Variants in EDA observed in about 807,000 individuals in gnomAD.
The protein encoded by EDA is ectodysplasin A, also known as ectodysplasin-A.
In EDA, 2 loss-of-function variants were observed where a neutral mutation model predicts 23.6. The observed-to-expected ratio is 0.08, with a 90% CI of 0.03 to 0.27. The LOEUF (loss-of-function observed/expected upper bound fraction) is 0.27, where lower values mean the gene tolerates loss of function less well. Among genes scored for constraint, EDA ranks in the 10% least tolerant of loss-of-function variants. The pLI is 1.00. For synonymous variants in EDA, 131 were observed against 132.0 expected (o/e 0.99, Z 0.05); for missense variants, 229 against 324.2 (o/e 0.71, Z 2.26).
intron 1 of EDA, among the ~76,000 whole-genome samples, chrX:69,941,883 G>A (rs1403841025): frequency 9.0e-6 from 1 of 111,153 alleles, no homozygotes; most frequent in Non-Finnish European, 1.9e-5. Context: ...TCCTTCTAGT[G>A]AAGGTGATTT....
At chrX:69,705,090 A>G (rs1161091025) in intron 1 of EDA, among the ~76,000 whole-genome samples, 1 of 108,744 alleles carries the variant, frequency 9.2e-6, no homozygotes, top group Non-Finnish European at 1.9e-5. Flanking sequence ...GGATGTCGTG[A>G]TGGGCACCTG....
At chrX:69,761,976 A>T (rs1323147351) in intron 1 of EDA, among the ~76,000 whole-genome samples, 1 of 111,568 alleles carries the variant, frequency 9.0e-6, no homozygotes, top group Admixed American at 9.6e-5. Flanking sequence ...CGGGTAAAGA[A>T]CATAAGTCTT....
intron 1 of EDA, among the ~76,000 whole-genome samples, chrX:69,662,560 C>T (rs886521718): frequency 4.5e-5 from 5 of 111,992 alleles, no homozygotes; most frequent in East Asian, 5.6e-4. Flanking sequence ...TTATTAGCAG[C>T]GTGAAAACAG....
chrX:69,638,307 A>C (rs941876208), intron 1 of EDA, among the ~76,000 whole-genome samples: 8 of 112,145 alleles, frequency 7.1e-5, no homozygotes, highest in Non-Finnish European at 1.5e-4. Flanking sequence ...TGGGTCCATG[A>C]CATACAAGCA....
At chrX:69,966,421 A>C (rs1253971308) in intron 2 of EDA, among the ~76,000 whole-genome samples, 1 of 110,695 alleles carries the variant, frequency 9.0e-6, no homozygotes, top group Non-Finnish European at 1.9e-5. Flanking sequence ...CTCTACTAAA[A>C]ATACAAAAAT....
chrX:69,681,825 C>G (rs1934364984), intron 1 of EDA, among the ~76,000 whole-genome samples: 1 of 111,959 alleles, frequency 8.9e-6, no homozygotes, highest in South Asian at 3.7e-4. Context: ...CTCAGCTCGT[C>G]AAAGTCATTC....
intron 1 of EDA, chrX:69,937,451 T>A (rs1432287690): frequency 3.8e-6 from 3 of 785,175 alleles, no homozygotes; most frequent in African/African-American, 2.0e-5. Flanking sequence ...AAATGACAGG[T>A]AAAAACAATC....
chrX:69,759,120 C>A (rs2014219371), intron 1 of EDA, among the ~76,000 whole-genome samples: 1 of 112,158 alleles, frequency 8.9e-6, no homozygotes, highest in African/African-American at 3.2e-5. Flanking sequence ...CCTCTTCTTT[C>A]TAGGGAAATT....
chrX:69,870,106 C>T (rs2017543509), intron 1 of EDA, among the ~76,000 whole-genome samples: 1 of 111,576 alleles, frequency 9.0e-6, no homozygotes, highest in South Asian at 3.8e-4. Flanking sequence ...ATTTCCAGCT[C>T]ACTCATGGTG....
chrX:69,692,362 C>T (rs1031749449), intron 1 of EDA, among the ~76,000 whole-genome samples: 6 of 111,402 alleles, frequency 5.4e-5, no homozygotes, highest in Non-Finnish European at 1.1e-4. Context: ...GAAAGCATCT[C>T]CCAGGGATGT....
intron 1 of EDA, among the ~76,000 whole-genome samples, chrX:69,786,005 T>TC (rs752791107): frequency 1.2e-4 from 13 of 110,428 alleles, no homozygotes; most frequent in Non-Finnish European, 1.7e-4. Flanking sequence ...TTCAACCTCT[T>TC]CCTGGTTTAG....
At chrX:69,625,111 A>T (rs185902281) in intron 1 of EDA, among the ~76,000 whole-genome samples, 5 of 111,135 alleles carry the variant, frequency 4.5e-5, no homozygotes, top group Non-Finnish European at 7.6e-5. Context: ...AACAATGGAG[A>T]TGCAGCTGTT....
At chrX:69,969,008 G>T (rs1262127861) in intron 2 of EDA, among the ~76,000 whole-genome samples, 1 of 112,089 alleles carries the variant, frequency 8.9e-6, no homozygotes, top group African/African-American at 3.2e-5. Context: ...TAGTACTCTG[G>T]TGCATTAAGT....
chrX:69,799,162 C>A (rs1186910384), intron 1 of EDA, among the ~76,000 whole-genome samples: 3 of 111,390 alleles, frequency 2.7e-5, no homozygotes. Context: ...AACTAGACCC[C>A]AATCTCTCAT....
chrX:69,919,634 C>T (rs983642686), intron 1 of EDA, among the ~76,000 whole-genome samples: 2 of 111,802 alleles, frequency 1.8e-5, no homozygotes, highest in Non-Finnish European at 3.8e-5. Context: ...AAGAGCCCTT[C>T]CTTTTGGATT....
intron 1 of EDA, chrX:69,861,169 G>A: frequency 3.3e-6 from 1 of 303,279 alleles, no homozygotes; most frequent in Non-Finnish European, 5.9e-6. Context: ...TAAGACAGAA[G>A]AACAAGCAAA....
intron 2 of EDA, among the ~76,000 whole-genome samples, chrX:69,977,711 C>T (rs6625553): frequency 0.46 from 51,329 of 110,523 alleles, 8,686 homozygotes; most frequent in East Asian, 0.7. Flanking sequence ...TTTTGCTATA[C>T]AAAAATGTGT....
At chrX:69,958,142 G>A (rs1174028663) in intron 2 of EDA, among the ~76,000 whole-genome samples, 1 of 111,434 alleles carries the variant, frequency 9.0e-6, no homozygotes, top group African/African-American at 3.3e-5. Flanking sequence ...TCCTGGGCAG[G>A]GTCTTTGAAT....
At chrX:69,925,925 T>C (rs1428003857) in intron 1 of EDA, among the ~76,000 whole-genome samples, 2 of 110,550 alleles carry the variant, frequency 1.8e-5, no homozygotes, top group Non-Finnish European at 3.8e-5. Flanking sequence ...CCATTTCTTC[T>C]AGATTTTCTA....
Sources: allele counts gnomAD v4.1 joint callset (sites outside exome capture counted in the v4.1 genomes callset), GRCh38; gene constraint gnomAD v4.1.1; transcripts MANE v1.5; gene names NCBI Gene and HGNC (gene_info 2026-07-23, HGNC 2026-07-21).